Variants in COL24A1 observed in about 807,000 individuals in gnomAD.
COL24A1 encodes collagen type XXIV alpha 1 chain, also known as collagen alpha-1(XXIV) chain.
Under a neutral mutation model 253.9 loss-of-function variants are expected in COL24A1, and 224 were observed. The ratio of observed to expected loss-of-function variants is 0.88; its 90% CI spans 0.79 to 0.99. The LOEUF (loss-of-function observed/expected upper bound fraction) is 0.99. Ranked by LOEUF, COL24A1 falls within the 50% of genes least tolerant of loss-of-function variation. The pLI, the probability that COL24A1 is intolerant of heterozygous loss-of-function variation, is 0.00. For synonymous variants in COL24A1, 685 were observed against 673.7 expected, an observed-to-expected ratio of 1.02 and a Z score of -0.26; for missense variants, 2,131 against 2,068.5, an observed-to-expected ratio of 1.03 and a Z score of -0.59.
intron 5 of COL24A1, among the ~76,000 whole-genome samples, chr1:86,106,244 G>A (rs1704970227): frequency 1.3e-5 from 2 of 152,198 alleles, no homozygotes; most frequent in South Asian, 4.2e-4. Flanking sequence ...GGAGAAGACA[G>A]TCATAACCAG....
At chr1:85,740,448 C>T (rs1455990860) in intron 57 of COL24A1, among the ~76,000 whole-genome samples, 1 of 151,422 alleles carries the variant, frequency 6.6e-6, no homozygotes, top group Non-Finnish European at 1.5e-5. Flanking sequence ...CACATATATT[C>T]TACCTTCTCT....
intron 7 of COL24A1, among the ~76,000 whole-genome samples, chr1:86,074,432 T>A (rs896002546): frequency 5.3e-5 from 8 of 152,118 alleles, no homozygotes; most frequent in African/African-American, 1.9e-4. Flanking sequence ...ATGCACCCAA[T>A]ACAGGAGTAC....
chr1:85,945,012 T>G (rs867059637), intron 24 of COL24A1, among the ~76,000 whole-genome samples: 3 of 75,936 alleles, frequency 4.0e-5, no homozygotes, highest in Admixed American at 1.6e-4. Context: ...GTTTTTTTTT[T>G]TTTTTTTTTT....
chr1:86,064,623 C>T (rs1334058191), intron 7 of COL24A1, among the ~76,000 whole-genome samples: 2 of 152,100 alleles, frequency 1.3e-5, no homozygotes, highest in Non-Finnish European at 2.9e-5. Flanking sequence ...TGAAATAAAT[C>T]ATAGTTTATG....
chr1:85,961,272 T>C lies in COL24A1; in HGVS notation c.2539A>G (p.Asn847Asp). Residue 847 changes from asparagine to aspartate, a missense_variant, in exon 24 of 60, where the codon AAT (asparagine) becomes GAT (aspartate). Transcript: ENST00000370571. ...GLKGEVGDQGNIGKIGETGPV... is the reference protein window; with the variant it reads ...GLKGEVGDQGDIGKIGETGPV... The stretch of plus-strand genomic sequence containing the variant: ...ACTGTTTCACCAATTTTTCCAATAT[T>C]TCCTTGATCTCCTACTTCTCCCTGT... The C allele has an allele frequency of 6.2e-7, 1 of 1,605,796 alleles. No homozygotes were observed. Among genetic ancestry groups the C allele is most frequent in the Non-Finnish European group, 8.5e-7 (1 of 1,173,474 alleles).
intron 52 of COL24A1, among the ~76,000 whole-genome samples, chr1:85,779,607 A>ACC (rs1668949858): frequency 2.0e-5 from 3 of 152,292 alleles, no homozygotes; most frequent in Non-Finnish European, 2.9e-5. Flanking sequence ...TCTTATTGCT[A>ACC]AAAGTACTTT....
chr1:85,739,569 C>G (rs749807107), intron 57 of COL24A1, among the ~76,000 whole-genome samples: 20 of 152,198 alleles, frequency 1.3e-4, no homozygotes, highest in Non-Finnish European at 2.4e-4. Flanking sequence ...CCTGAAAACA[C>G]TCCATATTGA....
At chr1:85,802,551 G>C (rs1405662265) in intron 47 of COL24A1, among the ~76,000 whole-genome samples, 1 of 151,944 alleles carries the variant, frequency 6.6e-6, no homozygotes, top group Non-Finnish European at 1.5e-5. Flanking sequence ...TATATATGTA[G>C]ATAAGATATT....
chr1:85,988,945 G>A (rs894001513), intron 19 of COL24A1, among the ~76,000 whole-genome samples: 68 of 152,094 alleles, frequency 4.5e-4, no homozygotes, highest in African/African-American at 1.6e-3. Context: ...GAATGTTCTG[G>A]AATAGTTTAA....
At chr1:85,833,613 TG>T (rs1206116193) in intron 43 of COL24A1, among the ~76,000 whole-genome samples, 1 of 152,200 alleles carries the variant, frequency 6.6e-6, no homozygotes, top group Non-Finnish European at 1.5e-5. Flanking sequence ...ATCCCATTAC[TG>T]GGTATATACC....
chr1:85,899,919 G>T (rs1046660800), intron 28 of COL24A1, among the ~76,000 whole-genome samples: 14 of 152,144 alleles, frequency 9.2e-5, no homozygotes, highest in African/African-American at 2.7e-4. Context: ...TACAAAGACT[G>T]AACGACTGTG....
intron 8 of COL24A1, among the ~76,000 whole-genome samples, chr1:86,062,670 A>G (rs1339691226): frequency 3.3e-5 from 5 of 152,074 alleles, no homozygotes; most frequent in African/African-American, 4.8e-5. Flanking sequence ...CTCCCCAGGG[A>G]CTAATCCCAC....
At position 85,868,576 on chromosome 1, in the gene COL24A1, C is replaced by T. The variant is rs747767353; in HGVS notation, c.3243G>A (p.Glu1081=). 12 of 1,613,932 alleles carry T rather than the reference C, an allele frequency of 7.4e-6. No individual in the cohort carries two copies. Among genetic ancestry groups the T allele is most frequent in the Non-Finnish European group, 1.0e-5 (12 of 1,179,904 alleles). The change falls in exon 37 of 60, where the codon GAG becomes GAA. Residue 1081 remains glutamate, a synonymous_variant. Transcript: ENST00000370571. ...GLPGEDGEKG[E]MGLPGIIGPL... is the part of the protein sequence containing the mutation. ...GTCCTATAATTCCTGGTAAGCCCATCTCTCCTTTTTCTCCATCCTCTCCAG... is the reference window on the plus strand; with the variant it reads ...GTCCTATAATTCCTGGTAAGCCCATTTCTCCTTTTTCTCCATCCTCTCCAG...
At chr1:85,860,175 AC>A (rs1168905460) in intron 37 of COL24A1, among the ~76,000 whole-genome samples, 1 of 152,354 alleles carries the variant, frequency 6.6e-6, no homozygotes, top group Non-Finnish European at 1.5e-5. Flanking sequence ...TGTGATAGTT[AC>A]ATGATACTAT....
At chr1:85,824,941 AC>A (rs1674074851) in intron 43 of COL24A1, among the ~76,000 whole-genome samples, 1 of 143,702 alleles carries the variant, frequency 7.0e-6, no homozygotes, top group Non-Finnish European at 1.5e-5. Flanking sequence ...TTATTATTAT[AC>A]TTGAAGTTTT....
At position 85,859,534 on chromosome 1, in the gene COL24A1, A is replaced by G. The variant is rs981173854; in HGVS notation, c.3300+8985T>C. On this transcript the variant is annotated intron_variant, in intron 37 of 59. Coordinates refer to ENST00000370571, the MANE Select transcript of COL24A1 (RefSeq NM_152890.7). ...TTCTATATTGTATTTTCTTGTTATTATAATCAGAAAGGTCCCCCCTGGTTA... is the reference window on the plus strand; with the variant it reads ...TTCTATATTGTATTTTCTTGTTATTGTAATCAGAAAGGTCCCCCCTGGTTA... Among the ~76,000 whole-genome samples the G allele has an allele frequency of 3.9e-5, 6 of 152,320 alleles. No individual in the cohort carries two copies. In the East Asian group the frequency reaches 9.6e-4, roughly 24 times the overall value.
chr1:85,813,532 CTTTTTTTTTTTTTTTTTTTTTT>C (rs765607746), intron 47 of COL24A1, among the ~76,000 whole-genome samples: 6 of 76,248 alleles, frequency 7.9e-5, no homozygotes, highest in Middle Eastern at 7.1e-3. Context: ...TCATTCAGGT[CTTTTTTTTTTTTTTTTTTTTTT>C]TTTTTTTTTT....
chr1:85,896,971 G>A (rs1217507832), intron 28 of COL24A1, among the ~76,000 whole-genome samples: 1 of 152,172 alleles, frequency 6.6e-6, no homozygotes, highest in Non-Finnish European at 1.5e-5. Context: ...TATAATATAG[G>A]TGTGTTATTT....
At chr1:85,999,151 T>C (rs1308299718) in intron 19 of COL24A1, among the ~76,000 whole-genome samples, 1 of 152,126 alleles carries the variant, frequency 6.6e-6, no homozygotes, top group African/African-American at 2.4e-5. Flanking sequence ...TGGCAATGAA[T>C]ATGTAAACCA....
Sources: allele counts gnomAD v4.1 joint callset (sites outside exome capture counted in the v4.1 genomes callset), GRCh38; gene constraint gnomAD v4.1.1; transcripts MANE v1.5; gene names NCBI Gene and HGNC (gene_info 2026-07-23, HGNC 2026-07-21).